C1orf94: variants seen among roughly 807,000 people sequenced by gnomAD.
C1orf94 encodes uncharacterized protein C1orf94.
Under a neutral mutation model 53.6 loss-of-function variants are expected in C1orf94, and 45 were observed. The observed-to-expected ratio is 0.84, with a 90% CI of 0.66 to 1.08. The LOEUF (loss-of-function observed/expected upper bound fraction) is 1.08, where lower values mean the gene tolerates loss of function less well. C1orf94 is among the 50% of genes least tolerant of loss of function. The probability of loss-of-function intolerance (pLI) is 0.00; values close to 1 mark genes in which losing one functional copy is unlikely to be tolerated. For synonymous variants in C1orf94, 304 were observed against 296.1 expected (o/e 1.03, Z -0.27); for missense variants, 762 against 738.9 (o/e 1.03, Z -0.36).
rs184890483 is a variant in C1orf94 at position 34,179,496 on chromosome 1, T to C, written c.320+1387T>C. ...TCTTTGCCAGGTCACACAGAGTTAA[T>C]GGAGACAGACTCGACTTCCAGTCTG... On this transcript the variant is annotated intron_variant, in intron 1 of 6. Coordinates refer to ENST00000488417, the MANE Select transcript of C1orf94 (RefSeq NM_001134734.2). 2.6e-5 allele frequency among the ~76,000 whole-genome samples: 4 copies of C among 152,358 alleles called. No individual in the cohort carries two copies. The East Asian group carries it at 7.7e-4, about 29-fold the overall frequency.
chr1:34,203,683 A>G (rs916194519), intron 4 of C1orf94, among the ~76,000 whole-genome samples: 1 of 152,204 alleles, frequency 6.6e-6, no homozygotes, highest in Non-Finnish European at 1.5e-5. Flanking sequence ...GGAGAAAATC[A>G]ATGGCCAGAC....
intron 1 of C1orf94, among the ~76,000 whole-genome samples, chr1:34,170,510 C>A (rs1642130625): frequency 6.6e-6 from 1 of 152,078 alleles, no homozygotes; most frequent in Non-Finnish European, 1.5e-5. Flanking sequence ...CACAGGGTAC[C>A]AAGGAAGGGT....
chr1:34,173,244 T>C (rs1186458241), upstream of C1orf94, among the ~76,000 whole-genome samples: 1 of 152,232 alleles, frequency 6.6e-6, no homozygotes, highest in African/African-American at 2.4e-5. Context: ...AAATTACTCA[T>C]GGCCAAAAAC....
chr1:34,181,044 A>G (rs1642305592), intron 1 of C1orf94, among the ~76,000 whole-genome samples: 2 of 152,092 alleles, frequency 1.3e-5, no homozygotes, highest in Admixed American at 1.3e-4. Flanking sequence ...TTCCCTTGCT[A>G]TGAACCCCCT....
At chr1:34,186,817 T>C (rs916621078) in intron 1 of C1orf94, among the ~76,000 whole-genome samples, 1 of 152,212 alleles carries the variant, frequency 6.6e-6, no homozygotes, top group Non-Finnish European at 1.5e-5. Context: ...TGTGCTGCCT[T>C]GTGGCAACAA....
upstream of C1orf94, among the ~76,000 whole-genome samples, chr1:34,176,303 T>A (rs12026891): frequency 4.0e-3 from 613 of 152,254 alleles, 11 homozygotes; most frequent in East Asian, 0.056. Flanking sequence ...TGCTTTTCCT[T>A]TTCAGGGGAA....
Position 34,202,072 on chromosome 1 carries a change from T to C in C1orf94, c.1271-12T>C. ...CATCACTGACCCGCTTTGCCTCTCC[T>C]GTGACTTGCAGTTAACGCACCTGTG... On this transcript the variant is annotated splice_polypyrimidine_tract_variant and intron_variant, in intron 3 of 6. Coordinates refer to ENST00000488417, the MANE Select transcript of C1orf94 (RefSeq NM_001134734.2). 1 of 1,611,560 alleles carries C rather than the reference T, an allele frequency of 6.2e-7. No individual in the cohort carries two copies. Among genetic ancestry groups the C allele is most frequent in the Non-Finnish European group, 8.5e-7 (1 of 1,178,720 alleles).
At position 34,218,549 on chromosome 1, in the gene C1orf94, T is replaced by C. The variant is rs1213911517; in HGVS notation, c.1722-137T>C. 9.4e-6 allele frequency: 5 copies of C among 533,344 alleles called. No individual in the cohort carries two copies. The East Asian group carries it at 9.9e-5, about 11-fold the overall frequency. The allele number at this position is 533,344 out of a possible 1,614,324, so 33.0% of individuals were successfully genotyped here. A position where few individuals can be genotyped will look rare whatever the true frequency, so the allele number is the denominator to read the frequency against. On this transcript the variant is annotated intron_variant, in intron 6 of 6. Coordinates refer to ENST00000488417, the MANE Select transcript of C1orf94 (RefSeq NM_001134734.2). ...TTTCCCAGGGCCAAAGCCTTTCTTA[T>C]GCCAAAGCCTTTACCCTCCAAGCCT...
intron 1 of C1orf94, among the ~76,000 whole-genome samples, chr1:34,170,146 C>T (rs1376977905): frequency 1.3e-5 from 2 of 152,304 alleles, no homozygotes; most frequent in East Asian, 3.9e-4. Context: ...TCATTTTTTG[C>T]ATAGTATCTT....
Position 34,176,937 on chromosome 1 carries a change from A to C in C1orf94, c.-853A>C, listed in dbSNP as rs1174587834. Among the ~76,000 whole-genome samples the C allele has an allele frequency of 6.7e-6, 1 of 148,894 alleles. No individual in the cohort carries two copies. Among genetic ancestry groups the C allele is most frequent in the South Asian group, 2.2e-4 (1 of 4,468 alleles). ...CCGAGCCGTTGCGTTTGAAACCCAC[A>C]GAAAGAATTCCCCCGCTCGACGACG... is the stretch of plus-strand genomic sequence containing the variant. On this transcript the variant is annotated 5_prime_UTR_variant, in exon 1 of 7. Transcript: ENST00000488417.
intron 1 of C1orf94, among the ~76,000 whole-genome samples, chr1:34,190,418 T>G (rs778962489): frequency 1.3e-5 from 2 of 152,200 alleles, no homozygotes; most frequent in Non-Finnish European, 2.9e-5. Flanking sequence ...CCTCCATTCA[T>G]GTGCCCCATC....
intron 1 of C1orf94, among the ~76,000 whole-genome samples, chr1:34,187,480 T>C (rs141330898): frequency 6.6e-6 from 1 of 152,258 alleles, no homozygotes; most frequent in East Asian, 1.9e-4. Context: ...GGGAGCTGTG[T>C]CGCAGGTTGT....
At position 34,177,472 on chromosome 1, in the gene C1orf94, A is replaced by G. The variant is rs903638599; in HGVS notation, c.-318A>G. Among the ~76,000 whole-genome samples the G allele has an allele frequency of 6.6e-6, 1 of 152,070 alleles. No individual in the cohort carries two copies. Among genetic ancestry groups the G allele is most frequent in the Non-Finnish European group, 1.5e-5 (1 of 67,982 alleles). On this transcript the variant is annotated 5_prime_UTR_variant, in exon 1 of 7. Coordinates refer to ENST00000488417, the MANE Select transcript of C1orf94 (RefSeq NM_001134734.2). ...TGGGGAGAGCCAGCCCTCCCCTTCC[A>G]GCTGTTCCCAGATGTCATTCTGCCC...
chr1:34,206,607 T>C (rs297803), intron 4 of C1orf94, among the ~76,000 whole-genome samples: 5,725 of 152,168 alleles, frequency 0.038, 266 homozygotes, highest in African/African-American at 0.11. Context: ...AAAGCAGAGA[T>C]GAGTGCTAAC....
intron 1 of C1orf94, among the ~76,000 whole-genome samples, chr1:34,169,670 G>C (rs2148607576): frequency 6.7e-6 from 1 of 150,068 alleles, no homozygotes; most frequent in South Asian, 2.1e-4. Flanking sequence ...TGCGAGGGCA[G>C]AAATAGAGGC....
intron 6 of C1orf94, among the ~76,000 whole-genome samples, chr1:34,213,572 C>T (rs1246801944): frequency 6.6e-6 from 1 of 151,978 alleles, no homozygotes; most frequent in Non-Finnish European, 1.5e-5. Context: ...TGGAGTTTCA[C>T]CCTTGTTGTC....
chr1:34,190,768 T>C (rs576153252), intron 1 of C1orf94, among the ~76,000 whole-genome samples: 1 of 152,332 alleles, frequency 6.6e-6, no homozygotes, highest in East Asian at 1.9e-4. Context: ...TTACTTAACT[T>C]CTCTGTCCCT....
At chr1:34,213,915 C>G (rs1196927276) in intron 6 of C1orf94, among the ~76,000 whole-genome samples, 1 of 152,132 alleles carries the variant, frequency 6.6e-6, no homozygotes, top group Non-Finnish European at 1.5e-5. Flanking sequence ...CTTTTCCTCT[C>G]TCCCTCCCTT....
rs530049432 is a variant in C1orf94, at chr1:34,212,462, G to A, written c.1721+56G>A. 4.6e-6 allele frequency: 7 copies of A among 1,533,884 alleles called. No individual in the cohort carries two copies. In the Admixed American group the frequency reaches 1.0e-4, roughly 22 times the overall value. On this transcript the variant is annotated intron_variant, in intron 6 of 6. Transcript: ENST00000488417. ...TATCCAGAAAGCTGGTGGGAACGGG[G>A]GCAAGTTGGGTGGGCTTACCAGCGC...
Sources: gnomAD v4.1 joint callset for allele counts (sites outside exome capture counted in the v4.1 genomes callset) on GRCh38, gnomAD v4.1.1 for gene constraint, MANE v1.5 for transcripts, NCBI Gene and HGNC (gene_info 2026-07-23, HGNC 2026-07-21) for gene names.